DLGAP2: variants seen among roughly 807,000 people sequenced by gnomAD.
DLGAP2 encodes DLG associated protein 2.
A neutral mutation model predicts 100.3 loss-of-function variants in DLGAP2; 26 were observed. The observed-to-expected ratio is 0.26, with a 90% confidence interval of 0.19 to 0.36. The LOEUF (loss-of-function observed/expected upper bound fraction) is 0.36, where lower values mean the gene tolerates loss of function less well. Among genes scored for constraint, DLGAP2 ranks in the 10% least tolerant of loss-of-function variants. The pLI is 1.00. For synonymous variants in DLGAP2, 886 were observed against 630.1 expected (o/e 1.41, Z -6.08); for missense variants, 1,858 against 1,453.2 (o/e 1.28, Z -4.53).
chr8:1,464,682 CT>C (rs1798572429), intron 3 of DLGAP2, among the ~76,000 whole-genome samples: 2 of 152,192 alleles, frequency 1.3e-5, no homozygotes, highest in Non-Finnish European at 2.9e-5. Context: ...CTGTCAGGGG[CT>C]GGAGACACGT....
chr8:845,993 G>A (rs1460030519), intron 1 of DLGAP2, among the ~76,000 whole-genome samples: 3 of 152,148 alleles, frequency 2.0e-5, no homozygotes, highest in African/African-American at 7.2e-5. Context: ...CTTCGTAAAC[G>A]TTTGTTATTT....
intron 1 of DLGAP2, among the ~76,000 whole-genome samples, chr8:867,554 G>A (rs1797521870): frequency 6.6e-6 from 1 of 152,164 alleles, no homozygotes; most frequent in Admixed American, 6.5e-5. Context: ...CTGCATTCAG[G>A]CTGGACCTGG....
At chr8:809,736 C>A (rs1796336968) in intron 1 of DLGAP2, among the ~76,000 whole-genome samples, 3 of 152,152 alleles carry the variant, frequency 2.0e-5, no homozygotes, top group African/African-American at 7.2e-5. Context: ...ATTCCCCCTC[C>A]CCTGGCCTTG....
chr8:1,350,731 G>A (rs1801699090), intron 3 of DLGAP2, among the ~76,000 whole-genome samples: 2 of 93,594 alleles, frequency 2.1e-5, no homozygotes, highest in African/African-American at 4.1e-5. Context: ...GGCCGTGCGG[G>A]TCCTGAGTGT....
intron 2 of DLGAP2, among the ~76,000 whole-genome samples, chr8:946,400 A>C (rs1285515215): frequency 6.6e-6 from 1 of 151,504 alleles, no homozygotes; most frequent in Non-Finnish European, 1.5e-5. Flanking sequence ...AGTGTCTGGG[A>C]CTACAGGCGC....
intron 1 of DLGAP2, among the ~76,000 whole-genome samples, chr8:846,267 G>T (rs1797070004): frequency 6.6e-6 from 1 of 152,076 alleles, no homozygotes; most frequent in South Asian, 2.1e-4. Flanking sequence ...TTGTGCTATT[G>T]ACCTTCCTTT....
intron 8 of DLGAP2, among the ~76,000 whole-genome samples, chr8:1,663,139 T>TAC (rs35372076): frequency 0.27 from 28,379 of 105,444 alleles, 3,828 homozygotes; most frequent in East Asian, 0.54. Context: ...TGTGTGTGTG[T>TAC]ATGTGTGAGT....
chr8:1,179,376 G>C (rs1034211889), intron 2 of DLGAP2, among the ~76,000 whole-genome samples: 15 of 152,170 alleles, frequency 9.9e-5, no homozygotes, highest in African/African-American at 3.6e-4. Flanking sequence ...TGCTTCGCTG[G>C]GGGACTCTGA....
chr8:846,448 T>C (rs574453890), intron 1 of DLGAP2, among the ~76,000 whole-genome samples: 1 of 152,374 alleles, frequency 6.6e-6, no homozygotes, highest in East Asian at 1.9e-4. Flanking sequence ...TTCATCCATG[T>C]TGCCCAAAGT....
intron 2 of DLGAP2, among the ~76,000 whole-genome samples, chr8:983,365 T>C (rs1383760060): frequency 6.7e-6 from 1 of 150,062 alleles, no homozygotes; most frequent in African/African-American, 2.4e-5. Context: ...TCCCTTAGAA[T>C]CCACGTGTTG....
chr8:1,682,034 G>C (rs532344681), intron 12 of DLGAP2, among the ~76,000 whole-genome samples: 1 of 152,188 alleles, frequency 6.6e-6, no homozygotes, highest in African/African-American at 2.4e-5. Context: ...ATCAAGTCAA[G>C]AAGTTCCCTT....
chr8:864,492 C>G (rs7816826), intron 1 of DLGAP2, among the ~76,000 whole-genome samples: 56,980 of 152,010 alleles, frequency 0.37, 11,270 homozygotes, highest in African/African-American at 0.51. Flanking sequence ...TTTTAGAAAC[C>G]TCACTATTCT....
At chr8:1,581,148 A>T (rs1035956731) in intron 6 of DLGAP2, among the ~76,000 whole-genome samples, 1 of 151,364 alleles carries the variant, frequency 6.6e-6, no homozygotes, top group Non-Finnish European at 1.5e-5. Flanking sequence ...ACCACAGTCA[A>T]ACTACCAGAA....
Position 1,108,466 on chromosome 8 carries a change from C to T in DLGAP2, c.74-150385C>T, listed in dbSNP as rs116656330. Among the ~76,000 whole-genome samples the T allele has an allele frequency of 3.4e-3, 505 of 149,168 alleles. 1 individual carries two copies. The highest frequency in any genetic ancestry group is 0.012 in the African/African-American group (474 of 40,522). ...AGTGAGTGCACGTGCCTGTGATGTG[C>T]GCTGGGTCTGTGAAGTGTGCACGTG... On this transcript the variant is annotated intron_variant, in intron 2 of 14. Transcript: ENST00000637795.
At chr8:1,299,197 G>T (rs1800268762) in intron 3 of DLGAP2, among the ~76,000 whole-genome samples, 2 of 152,204 alleles carry the variant, frequency 1.3e-5, no homozygotes, top group South Asian at 4.1e-4. Context: ...GTGGTGGTGG[G>T]TACTGTGCAG....
intron 6 of DLGAP2, among the ~76,000 whole-genome samples, chr8:1,623,411 G>C (rs1797400362): frequency 2.0e-5 from 3 of 150,220 alleles, no homozygotes; most frequent in African/African-American, 7.4e-5. Context: ...TGATGACCTG[G>C]CACCAGTGCT....
chr8:1,688,512 C>G (rs1175282749), intron 12 of DLGAP2: 3 of 152,104 alleles, frequency 2.0e-5, no homozygotes, highest in African/African-American at 2.4e-5. Context: ...GACAGTGGCC[C>G]TGGGTCTACA....
chr8:1,276,305 A>G (rs941505293), intron 3 of DLGAP2, among the ~76,000 whole-genome samples: 1 of 151,828 alleles, frequency 6.6e-6, no homozygotes, highest in East Asian at 1.9e-4. Flanking sequence ...ATGAAAAGTG[A>G]TACTTCAACA....
At chr8:1,220,401 T>C (rs1292947867) in intron 2 of DLGAP2, among the ~76,000 whole-genome samples, 1 of 152,174 alleles carries the variant, frequency 6.6e-6, no homozygotes, top group East Asian at 1.9e-4. Context: ...ATTTCCATGA[T>C]ATTGTATGAT....
Sources: gnomAD v4.1 joint callset for allele counts (sites outside exome capture counted in the v4.1 genomes callset) on GRCh38, gnomAD v4.1.1 for gene constraint, MANE v1.5 for transcripts, NCBI Gene and HGNC (gene_info 2026-07-23, HGNC 2026-07-21) for gene names.